Variants in DUOXA1 observed in about 807,000 individuals in gnomAD.
DUOXA1 encodes dual oxidase activator 1.
Under a neutral mutation model 26.6 loss-of-function variants are expected in DUOXA1, and 19 were observed. That is an observed-to-expected ratio of 0.71 (90% CI 0.50 to 1.05). The LOEUF is 1.05. Ranked by LOEUF, DUOXA1 falls within the 50% of genes least tolerant of loss-of-function variation. The probability of loss-of-function intolerance (pLI) is 0.00; values close to 1 mark genes in which losing one functional copy is unlikely to be tolerated. For missense variants in DUOXA1, 403 were observed against 427.5 expected (o/e 0.94, Z 0.51); for synonymous variants, 166 against 177.0 (o/e 0.94, Z 0.49).
rs2141238408 is a variant in DUOXA1, at chr15:45,129,265, C to A, written c.-146-131G>T. ...GGGTGCTTCCAGTCACTCTTCAAGTCACTCCCAAACTTCTCAGACTGCACC... is the reference window on the plus strand; with the variant it reads ...GGGTGCTTCCAGTCACTCTTCAAGTAACTCCCAAACTTCTCAGACTGCACC... On this transcript the variant is annotated intron_variant, in intron 2 of 8. Transcript: ENST00000560572. The surrounding 1 kb of genome is among the most constrained non-coding windows in gnomAD (Gnocchi z 4.1). 6.6e-6 allele frequency: 1 copy of A among 152,488 alleles called. No individual in the cohort carries two copies. Among genetic ancestry groups the A allele is most frequent in the Admixed American group, 6.5e-5 (1 of 15,306 alleles). 9.4% of individuals were successfully genotyped at this position (152,488 alleles called of 1,614,324 possible).
At position 45,120,119 on chromosome 15, in the gene DUOXA1, C is replaced by G. The variant is rs1345149846; in HGVS notation, c.756G>C (p.Trp252Cys). ...GGGTCTTACCTGTGGTCAATGTGAT[C>G]CAGAAGGCAGGCCCATGGTGAGTAT... ...VLHTHHGPAF[W>C]ITLTTGLLCV... The change falls in exon 8 of 9, where the codon TGG (tryptophan) becomes TGC (cysteine). Residue 252 changes from tryptophan to cysteine, a missense_variant. Coordinates refer to ENST00000560572, the MANE Select transcript of DUOXA1 (RefSeq NM_001276266.2). The G allele has an allele frequency of 6.2e-7, 1 of 1,613,796 alleles. No individual in the cohort carries two copies. The highest frequency in any genetic ancestry group is 1.3e-5 in the African/African-American group (1 of 74,876).
rs1595569474 is a variant in DUOXA1 at position 45,129,635 on chromosome 15, G to T, written c.-302-20C>A. The T allele has an allele frequency of 6.5e-6, 1 of 153,566 alleles. No homozygotes were observed. Among genetic ancestry groups the T allele is most frequent in the East Asian group, 1.9e-4 (1 of 5,194 alleles). 9.5% of individuals were successfully genotyped at this position (153,566 alleles called of 1,614,324 possible). A position where few individuals can be genotyped will look rare whatever the true frequency, so the allele number is the denominator to read the frequency against. ...CCTGGTCTGTGGGTGGCAGGTGATC[G>T]ATGGCCTTGGACTTGGAGCCCAGAC... On this transcript the variant is annotated intron_variant, in intron 1 of 8. Coordinates refer to ENST00000560572, the MANE Select transcript of DUOXA1 (RefSeq NM_001276266.2). The surrounding 1 kb of genome is among the most constrained non-coding windows in gnomAD (Gnocchi z 4.1).
rs746662073 is a variant in DUOXA1, at chr15:45,120,231, A to C, written c.644T>G (p.Ile215Ser). The change falls in exon 8 of 9, where the codon ATC (isoleucine) becomes AGC (serine). Residue 215 changes from isoleucine (I) to serine (S), a missense_variant. By Grantham distance (142) the Ile-to-Ser change is moderately radical. Transcript: ENST00000560572. ...YGGYMLLATGIFQLLALLFFS... is the reference protein window; with the variant it reads ...YGGYMLLATGSFQLLALLFFS... ...GAAGAGCAGAGCCAACAGCTGGAAG[A>C]TGCCCGTGGCCAATAGCATGTAGCC... 1 of 1,614,138 alleles carries C rather than the reference A, an allele frequency of 6.2e-7. No individual in the cohort carries two copies. The highest frequency in any genetic ancestry group is 8.5e-7 in the Non-Finnish European group (1 of 1,180,014).
intron 5 of DUOXA1, 44 bp from the exon 6 acceptor site, chr15:45,121,265 G>C (rs1895174881): frequency 6.2e-7 from 1 of 1,613,510 alleles, no homozygotes; most frequent in African/African-American, 1.3e-5. Flanking sequence ...GAGATGACTG[G>C]GCATTACTAG....
chr15:45,125,238 G>T (rs112178254), intron 3 of DUOXA1, among the ~76,000 whole-genome samples: 122 of 152,182 alleles, frequency 8.0e-4, no homozygotes, highest in Middle Eastern at 3.4e-3. Flanking sequence ...CTCCTATTCT[G>T]CGAATCCATC....
At position 45,117,420 on chromosome 15, in the gene DUOXA1, C is replaced by A; in HGVS notation, c.*1686G>T. The A allele has an allele frequency of 6.6e-7, 1 of 1,519,710 alleles. No homozygotes were observed. 94.1% of individuals were successfully genotyped at this position (1,519,710 alleles called of 1,614,324 possible). A position where few individuals can be genotyped will look rare whatever the true frequency, so the allele number is the denominator to read the frequency against. ...CATCTATTACCCTATTTGCCCCTCT[C>A]AATAGTTCGCAGAAACAGGCACTGT... On this transcript the variant is annotated 3_prime_UTR_variant, in exon 9 of 9. Transcript: ENST00000560572.
intron 4 of DUOXA1, 131 bp from the exon 5 acceptor site, chr15:45,122,373 T>C (rs1355529188): frequency 2.4e-6 from 2 of 845,888 alleles, no homozygotes; most frequent in Non-Finnish European, 3.9e-6. Flanking sequence ...TCAGAGTGTC[T>C]GGCACATAAT....
chr15:45,120,482 C>T, intron 7 of DUOXA1, 110 bp downstream of exon 7: 6 of 1,451,590 alleles, frequency 4.1e-6, no homozygotes, highest in Non-Finnish European at 5.8e-6. Flanking sequence ...GGGACTGGTG[C>T]CAGGCCACCC....
In DUOXA1 at chr15:45,118,922, G is replaced by A; in HGVS notation, c.*184C>T. 7.4e-7 allele frequency: 1 copy of A among 1,342,976 alleles called. No homozygotes were observed. Among genetic ancestry groups the A allele is most frequent in the Non-Finnish European group, 9.5e-7 (1 of 1,049,580 alleles). The allele number at this position is 1,342,976 out of a possible 1,614,324, so 83.2% of individuals were successfully genotyped here. A position where few individuals can be genotyped will look rare whatever the true frequency, so the allele number is the denominator to read the frequency against. ...GGCCCAGCATCTCTTCAGTCCCTTA[G>A]GGCTTTTTGTTTTGTTTTGTTTTTT... On this transcript the variant is annotated 3_prime_UTR_variant, in exon 9 of 9. Coordinates refer to ENST00000560572, the MANE Select transcript of DUOXA1 (RefSeq NM_001276266.2).
At chr15:45,124,237 C>A (rs923987846) in intron 3 of DUOXA1, among the ~76,000 whole-genome samples, 6 of 152,170 alleles carry the variant, frequency 3.9e-5, no homozygotes, top group Non-Finnish European at 7.4e-5. Context: ...TCTGCCTCTG[C>A]CTCTTGCAAG....
intron 3 of DUOXA1, among the ~76,000 whole-genome samples, chr15:45,123,984 A>G (rs1287442441): frequency 6.6e-6 from 1 of 152,198 alleles, no homozygotes; most frequent in African/African-American, 2.4e-5. Flanking sequence ...AGTCTTGCCA[A>G]TTAAACCATG....
Position 45,117,843 on chromosome 15 carries a change from C to A in DUOXA1, c.*1263G>T. 1 of 1,613,770 alleles carries A rather than the reference C, an allele frequency of 6.2e-7. No homozygotes were observed. Among genetic ancestry groups the A allele is most frequent in the Non-Finnish European group, 8.5e-7 (1 of 1,180,050 alleles). ...AGGAGAGAGGGGGCTCACCTCTTAT[C>A]CTCGGCGACCCACTGCACAAGCAGG... On this transcript the variant is annotated 3_prime_UTR_variant, in exon 9 of 9. Transcript: ENST00000560572.
intron 5 of DUOXA1, among the ~76,000 whole-genome samples, chr15:45,121,813 G>C (rs763498446): frequency 6.6e-6 from 1 of 152,160 alleles, no homozygotes; most frequent in Admixed American, 6.5e-5. Flanking sequence ...CACTGTGCCC[G>C]GCCTCACGGA....
rs1895354931 is a variant in DUOXA1, at chr15:45,122,775, C to T, written c.147+93G>A. 4.8e-6 allele frequency: 7 copies of T among 1,452,956 alleles called. No homozygotes were observed. In the South Asian group the frequency reaches 8.9e-5, roughly 19 times the overall value. 90.0% of individuals were successfully genotyped at this position (1,452,956 alleles called of 1,614,324 possible). ...TATCTTTTCTCCGCACTGGGGTCTC[C>T]TTCCTTAGCCTGGTTGTAGTCAGAG... On this transcript the variant is annotated intron_variant, in intron 4 of 8. Transcript: ENST00000560572.
chr15:45,124,325 C>T (rs1895497618), intron 3 of DUOXA1, among the ~76,000 whole-genome samples: 1 of 152,062 alleles, frequency 6.6e-6, no homozygotes, highest in African/African-American at 2.4e-5. Flanking sequence ...TCATTGTGAG[C>T]ATGAAATGAG....
chr15:45,120,467 C>T, intron 7 of DUOXA1, 125 bp downstream of exon 7: 1 of 1,438,742 alleles, frequency 7.0e-7, no homozygotes, highest in Non-Finnish European at 9.8e-7. Flanking sequence ...CAAGCCAGCA[C>T]CATGGGGACT....
chr15:45,120,748 C>G lies in DUOXA1; in HGVS notation c.398G>C (p.Arg133Pro). The change falls in exon 7 of 9, where the codon CGC becomes CCC. Residue 133 changes from arginine (R) to proline (P), a missense_variant. Coordinates refer to ENST00000560572, the MANE Select transcript of DUOXA1 (RefSeq NM_001276266.2). ...TINYNEEFTWRLGENYAEEYA... is the reference protein window; with the variant it reads ...TINYNEEFTWPLGENYAEEYA... ...CTCCTCAGCATAGTTCTCACCCAGG[C>G]GCCAGGTGAACTCCTCGTTGTAATT... 6.2e-7 allele frequency: 1 copy of G among 1,614,080 alleles called. No individual in the cohort carries two copies. The highest frequency in any genetic ancestry group is 8.5e-7 in the Non-Finnish European group (1 of 1,180,000).
At position 45,129,058 on chromosome 15, in the gene DUOXA1, C is replaced by G. The variant is rs796762356; in HGVS notation, c.-70G>C. 6.6e-5 allele frequency: 10 copies of G among 152,492 alleles called. No homozygotes were observed. Among genetic ancestry groups the G allele is most frequent in the African/African-American group, 2.4e-4 (10 of 41,530 alleles). The allele number at this position is 152,492 out of a possible 1,614,324, so 9.4% of individuals were successfully genotyped here. On this transcript the variant is annotated 5_prime_UTR_variant, in exon 3 of 9. Transcript: ENST00000560572. This position sits in a 1 kb window ranked among gnomAD's most constrained non-coding sequence, Gnocchi z 4.1. Reference sequence around the variant, plus strand: ...ACAGTGCGTGTGTGGCAGCCTGCGCCTCTCGCCTTCCCCCGTGGAACCTCA... The same window carrying G: ...ACAGTGCGTGTGTGGCAGCCTGCGCGTCTCGCCTTCCCCCGTGGAACCTCA...
chr15:45,120,201 GAGA>G lies in DUOXA1; in HGVS notation c.671_673del (p.Phe224del), dbSNP rs771413812. The G allele has an allele frequency of 3.8e-4, 621 of 1,614,122 alleles. No individual in the cohort carries two copies. Among genetic ancestry groups the G allele is most frequent in the Non-Finnish European group, 5.1e-4 (599 of 1,180,002 alleles). On this transcript the variant is annotated inframe_deletion, in exon 8 of 9. Coordinates refer to ENST00000560572, the MANE Select transcript of DUOXA1 (RefSeq NM_001276266.2). ...GGGTGAGGTGAGTGATGTGGCCATG[GAGA>G]AGAAGAGCAGAGCCAACAGCTGGAA...
Sources: allele counts gnomAD v4.1 joint callset (sites outside exome capture counted in the v4.1 genomes callset), GRCh38; gene constraint gnomAD v4.1.1; non-coding constraint Gnocchi (gnomAD v3.1); transcripts MANE v1.5; gene names NCBI Gene and HGNC (gene_info 2026-07-23, HGNC 2026-07-21).